The following ESR1 variants were observed in gnomAD, a reference collection of about 807,000 sequenced individuals.
ESR1 encodes estrogen receptor.
A neutral mutation model predicts 52.7 loss-of-function variants in ESR1; 12 were observed. The observed-to-expected ratio is 0.23, with a 90% CI of 0.15 to 0.37. The LOEUF (loss-of-function observed/expected upper bound fraction) is 0.37. Among genes scored for constraint, ESR1 ranks in the 10% least tolerant of loss-of-function variants. The probability of loss-of-function intolerance (pLI) is 1.00; values close to 1 mark genes in which losing one functional copy is unlikely to be tolerated. For synonymous variants in ESR1, 305 were observed against 316.8 expected (o/e 0.96, Z 0.39); for missense variants, 584 against 779.7 (o/e 0.75, Z 2.99).
At chr6:152,112,192 G>C (rs2051154065) in intron 6 of ESR1, among the ~76,000 whole-genome samples, 1 of 152,172 alleles carries the variant, frequency 6.6e-6, no homozygotes, top group Admixed American at 6.5e-5. Flanking sequence ...ACTCAAGGCA[G>C]CTCCAGGCTT....
intron 1 of ESR1, among the ~76,000 whole-genome samples, chr6:151,822,324 G>A (rs1352768313): frequency 6.6e-6 from 1 of 151,954 alleles, no homozygotes; most frequent in Non-Finnish European, 1.5e-5. Context: ...TTTTCCTTTC[G>A]GTGAAAAATT....
At chr6:152,054,115 T>C (rs2046913600) in intron 5 of ESR1, among the ~76,000 whole-genome samples, 1 of 152,088 alleles carries the variant, frequency 6.6e-6, no homozygotes, top group Non-Finnish European at 1.5e-5. Context: ...TTTAGCGCTG[T>C]CCCTCTCTCA....
At chr6:151,712,165 G>A (rs578026834) in intron 2 of ESR1, among the ~76,000 whole-genome samples, 245 of 152,092 alleles carry the variant, frequency 1.6e-3, no homozygotes, top group African/African-American at 4.2e-3. Context: ...GATGTGTGGC[G>A]TTATTTCTGA....
intron 4 of ESR1, among the ~76,000 whole-genome samples, chr6:151,978,556 C>A (rs2039684330): frequency 6.6e-6 from 1 of 152,010 alleles, no homozygotes; most frequent in African/African-American, 2.4e-5. Flanking sequence ...GAATTTCACA[C>A]CAAGATCCAT....
chr6:151,950,687 A>G (rs368926945), intron 4 of ESR1, among the ~76,000 whole-genome samples: 9 of 152,218 alleles, frequency 5.9e-5, no homozygotes, highest in Admixed American at 2.0e-4. Context: ...AAGCTGAGAA[A>G]TGCCAAGGTT....
At chr6:151,900,813 C>G (rs1005604372) in intron 3 of ESR1, among the ~76,000 whole-genome samples, 1 of 152,184 alleles carries the variant, frequency 6.6e-6, no homozygotes, top group African/African-American at 2.4e-5. Flanking sequence ...GGTCTCACAG[C>G]GTTGGATTCC....
At chr6:151,938,309 T>A (rs977207593) in intron 3 of ESR1, among the ~76,000 whole-genome samples, 5 of 152,166 alleles carry the variant, frequency 3.3e-5, no homozygotes, top group African/African-American at 9.7e-5. Context: ...ATTCTATTCC[T>A]AATGAATACT....
At chr6:151,942,463 A>AT (rs2035181876) in intron 3 of ESR1, among the ~76,000 whole-genome samples, 1 of 152,126 alleles carries the variant, frequency 6.6e-6, no homozygotes, top group South Asian at 2.1e-4. Context: ...AAGTGCTTCC[A>AT]TGTAAAGTGT....
At chr6:151,923,814 G>T (rs924891344) in intron 3 of ESR1, among the ~76,000 whole-genome samples, 2 of 152,130 alleles carry the variant, frequency 1.3e-5, no homozygotes, top group South Asian at 2.1e-4. Context: ...CAAATTAGTT[G>T]GGTAAATATC....
chr6:152,093,348 CTCT>C (rs1562779182), intron 6 of ESR1, among the ~76,000 whole-genome samples: 2 of 146,246 alleles, frequency 1.4e-5, no homozygotes, highest in Admixed American at 6.7e-5. Flanking sequence ...CTCTCTCTCT[CTCT>C]CTTTCTCTCT....
intron 1 of ESR1, among the ~76,000 whole-genome samples, chr6:151,832,724 C>T (rs1002388937): frequency 7.9e-5 from 12 of 152,028 alleles, no homozygotes; most frequent in South Asian, 2.1e-4. Context: ...CTGAAAAGTG[C>T]GATTCCAGGT....
intron 6 of ESR1, among the ~76,000 whole-genome samples, chr6:152,092,483 C>T (rs2050265223): frequency 6.6e-6 from 1 of 152,174 alleles, no homozygotes; most frequent in Admixed American, 6.5e-5. Context: ...TGAGCAGTAA[C>T]TTGTCACCAT....
At chr6:152,079,418 TAACA>T (rs2129004981) in intron 6 of ESR1, among the ~76,000 whole-genome samples, 1 of 152,090 alleles carries the variant, frequency 6.6e-6, no homozygotes, top group South Asian at 2.1e-4. Context: ...GAAGGAAAAC[TAACA>T]AACAGAAAGG....
chr6:152,056,302 T>C (rs906583400), intron 5 of ESR1, among the ~76,000 whole-genome samples: 15 of 152,314 alleles, frequency 9.8e-5, no homozygotes, highest in Admixed American at 9.8e-4. Flanking sequence ...CCACTATTGA[T>C]TTTGAACAGC....
chr6:151,796,208 A>T (rs921869698), intron 2 of ESR1, among the ~76,000 whole-genome samples: 5 of 151,974 alleles, frequency 3.3e-5, no homozygotes, highest in African/African-American at 1.2e-4. Context: ...AAAATGAGGA[A>T]GATGTTTATT....
chr6:152,084,772 T>G (rs138660712), intron 6 of ESR1, among the ~76,000 whole-genome samples: 186 of 152,242 alleles, frequency 1.2e-3, no homozygotes, highest in African/African-American at 4.3e-3. Flanking sequence ...AAAGTCTATT[T>G]CTCACAAGTA....
At chr6:151,854,098 G>GT (rs1787392031) in intron 2 of ESR1, among the ~76,000 whole-genome samples, 1 of 152,134 alleles carries the variant, frequency 6.6e-6, no homozygotes, top group South Asian at 2.1e-4. Context: ...AGAATGGTCT[G>GT]TATCTCTGAT....
At chr6:151,669,216 G>A (rs1393500595) in intron 1 of ESR1, among the ~76,000 whole-genome samples, 4 of 110,906 alleles carry the variant, frequency 3.6e-5, no homozygotes, top group African/African-American at 1.3e-4. Context: ...AACAGAACAA[G>A]TGAGAAAGCA....
At chr6:151,726,083 G>T (rs1012405157) in intron 2 of ESR1, among the ~76,000 whole-genome samples, 1 of 152,116 alleles carries the variant, frequency 6.6e-6, no homozygotes, top group African/African-American at 2.4e-5. Flanking sequence ...ATGGTGGGGG[G>T]TACCTTCAAC....
Sources: gnomAD v4.1 joint callset for allele counts (sites outside exome capture counted in the v4.1 genomes callset) on GRCh38, gnomAD v4.1.1 for gene constraint, MANE v1.5 for transcripts, NCBI Gene and HGNC (gene_info 2026-07-23, HGNC 2026-07-21) for gene names.